Variants in GALNT13 observed in about 807,000 individuals in gnomAD.
GALNT13 encodes the protein polypeptide N-acetylgalactosaminyltransferase 13, also known as UDP-GalNAc:polypeptide N-acetylgalactosaminyltransferase 13.
GALNT13 carries 28 observed loss-of-function variants against 64.2 expected under a neutral mutation model. The observed-to-expected ratio is 0.44, with a 90% CI of 0.32 to 0.60. The LOEUF (loss-of-function observed/expected upper bound fraction) is 0.60, where lower values mean the gene tolerates loss of function less well. GALNT13 is among the 20% of genes least tolerant of loss of function. The probability of loss-of-function intolerance (pLI) is 0.05; values close to 1 mark genes in which losing one functional copy is unlikely to be tolerated. For synonymous variants in GALNT13, 214 were observed against 224.6 expected, an observed-to-expected ratio of 0.95 and a Z score of 0.42; for missense variants, 577 against 669.8, an observed-to-expected ratio of 0.86 and a Z score of 1.53.
chr2:154,443,385 AT>A (rs547467027), intron 12 of GALNT13, among the ~76,000 whole-genome samples: 296 of 152,176 alleles, frequency 1.9e-3, no homozygotes, highest in Non-Finnish European at 3.1e-3. Context: ...TGTTATATTA[AT>A]TTTTAATTGT....
intron 3 of GALNT13, among the ~76,000 whole-genome samples, chr2:154,042,002 A>G (rs1328908791): frequency 2.1e-5 from 3 of 140,670 alleles, no homozygotes; most frequent in East Asian, 4.0e-4. Flanking sequence ...GGTGTTTAGT[A>G]TATTTATTGA....
rs71396392 is a variant in GALNT13 at position 154,142,549 on chromosome 2, CAAAAAAAAAA to C, written c.311+2059_311+2068del. 1.7e-4 allele frequency among the ~76,000 whole-genome samples: 11 copies of C among 66,494 alleles called. No individual in the cohort carries two copies. The Admixed American group carries it at 1.8e-3, about 11-fold the overall frequency. 43.6% of individuals were successfully genotyped at this position (66,494 alleles called of 152,430 possible). A position where few individuals can be genotyped will look rare whatever the true frequency, so the allele number is the denominator to read the frequency against. Reference sequence around the variant, plus strand: ...GGGCAACAAGAGCGAAACTCTGTCTCAAAAAAAAAAAAAAAAAAAAAAAAGAAAGGAAAAG... The same window carrying C: ...GGGCAACAAGAGCGAAACTCTGTCTCAAAAAAAAAAAAAAGAAAGGAAAAG... On this transcript the variant is annotated intron_variant, in intron 4 of 12. Transcript: ENST00000392825.
At chr2:154,025,438 C>T (rs1314641702) in intron 3 of GALNT13, among the ~76,000 whole-genome samples, 1 of 152,172 alleles carries the variant, frequency 6.6e-6, no homozygotes, top group Admixed American at 6.5e-5. Flanking sequence ...AGTACATACA[C>T]ACACACACAG....
intron 11 of GALNT13, among the ~76,000 whole-genome samples, chr2:154,417,377 T>C (rs944928530): frequency 6.6e-6 from 1 of 151,068 alleles, no homozygotes; most frequent in Non-Finnish European, 1.5e-5. Flanking sequence ...TCTGCTCTAC[T>C]CCATCAACTT....
chr2:154,055,992 TC>T (rs1044041041), intron 3 of GALNT13, among the ~76,000 whole-genome samples: 3 of 152,140 alleles, frequency 2.0e-5, no homozygotes, highest in Non-Finnish European at 4.4e-5. Context: ...AGAAGTTTTA[TC>T]TTTGTAGTTA....
the GALNT13 span, among the ~76,000 whole-genome samples, chr2:153,746,090 T>G: frequency 6.6e-6 from 1 of 152,164 alleles, no homozygotes; most frequent in African/African-American, 2.4e-5. Flanking sequence ...AAAGTAAAAT[T>G]TCTTAATACA....
intron 3 of GALNT13, among the ~76,000 whole-genome samples, chr2:154,026,311 C>G (rs1697961120): frequency 6.6e-6 from 1 of 152,110 alleles, no homozygotes; most frequent in Non-Finnish European, 1.5e-5. Context: ...TCAAATTGCT[C>G]TCAGTCTTCT....
intron 3 of GALNT13, among the ~76,000 whole-genome samples, chr2:154,133,044 G>T (rs927124446): frequency 1.3e-5 from 2 of 152,078 alleles, no homozygotes; most frequent in African/African-American, 2.4e-5. Context: ...GTGTGATGTG[G>T]GCATCCACTG....
chr2:154,199,121 G>T (rs1455245380), intron 4 of GALNT13, among the ~76,000 whole-genome samples: 2 of 150,386 alleles, frequency 1.3e-5, no homozygotes, highest in African/African-American at 4.9e-5. Flanking sequence ...AATTTCTTCT[G>T]TTTTTTTTTA....
At chr2:153,562,050 C>CTT in the GALNT13 span, among the ~76,000 whole-genome samples, 1 of 99,540 alleles carries the variant, frequency 1.0e-5, no homozygotes, top group South Asian at 3.6e-4. Context: ...CTTTCTCTCT[C>CTT]TCTCTCTCTC....
the GALNT13 span, among the ~76,000 whole-genome samples, chr2:153,691,098 C>A: frequency 6.6e-6 from 1 of 152,128 alleles, no homozygotes; most frequent in Non-Finnish European, 1.5e-5. Context: ...ATTTACATTT[C>A]ATGTCTTGTA....
In GALNT13 at chr2:154,450,428, T is replaced by C. The variant is rs1559162296; in HGVS notation, c.1548T>C (p.His516=). The C allele has an allele frequency of 1.9e-6, 3 of 1,612,166 alleles. No individual in the cohort carries two copies. The highest frequency in any genetic ancestry group is 2.5e-6 in the Non-Finnish European group (3 of 1,178,936). The part of the protein sequence containing the change: ...EYDAERLTLR[H]VNSNQCLDEP... ...TTTTACAGAGACTCACGTTGCGACA[T>C]GTTAACAGTAACCAATGTCTCGATG... The change falls in exon 13 of 13, where the codon CAT becomes CAC. Residue 516 remains histidine (H), a synonymous_variant. Transcript: ENST00000392825.
chr2:153,921,009 CT>C (rs1689719952), intron 2 of GALNT13, among the ~76,000 whole-genome samples: 1 of 152,154 alleles, frequency 6.6e-6, no homozygotes, highest in Admixed American at 6.5e-5. Flanking sequence ...AAAGGGAACG[CT>C]TATACATTGC....
rs147657251 is a variant in GALNT13, at chr2:154,407,793, G to C, written c.1297-1191G>C. Among the ~76,000 whole-genome samples the C allele has an allele frequency of 4.3e-3, 650 of 152,114 alleles. 5 individuals are homozygous for C. Among genetic ancestry groups the C allele is most frequent in the African/African-American group, 0.014 (589 of 41,498 alleles). ...CTAACATTTACCAAATGGGAATTCTGATCCATACTATTCTCAGTTATTGAT... is the reference window on the plus strand; with the variant it reads ...CTAACATTTACCAAATGGGAATTCTCATCCATACTATTCTCAGTTATTGAT... On this transcript the variant is annotated intron_variant, in intron 10 of 12. Coordinates refer to ENST00000392825, the MANE Select transcript of GALNT13 (RefSeq NM_052917.4).
the GALNT13 span, among the ~76,000 whole-genome samples, chr2:153,695,314 G>T: frequency 9.9e-5 from 15 of 152,158 alleles, 1 homozygote; most frequent in Admixed American, 9.8e-4. Context: ...TCTTATCAGG[G>T]AATGGTGGGA....
the GALNT13 span, among the ~76,000 whole-genome samples, chr2:153,561,820 G>A: frequency 6.6e-6 from 1 of 151,970 alleles, no homozygotes; most frequent in Non-Finnish European, 1.5e-5. Flanking sequence ...TTGAATTGGA[G>A]TAATACAAAT....
the GALNT13 span, among the ~76,000 whole-genome samples, chr2:153,251,814 G>C: frequency 6.6e-6 from 1 of 151,668 alleles, no homozygotes; most frequent in African/African-American, 2.4e-5. Flanking sequence ...CATTTTTTAT[G>C]GCTGCATAGT....
the GALNT13 span, among the ~76,000 whole-genome samples, chr2:153,630,808 T>TTTATTTATTTA: frequency 1.6e-3 from 27 of 16,976 alleles, 4 homozygotes; most frequent in African/African-American, 1.7e-3. Context: ...TATATATATA[T>TTTATTTATTTA]TTTTTTTTTT....
chr2:153,436,394 G>A, the GALNT13 span, among the ~76,000 whole-genome samples: 1 of 152,162 alleles, frequency 6.6e-6, no homozygotes, highest in Admixed American at 6.5e-5. Context: ...AAGAGTTTCA[G>A]GAGGAATGGT....
Sources: allele counts gnomAD v4.1 joint callset (sites outside exome capture counted in the v4.1 genomes callset), GRCh38; gene constraint gnomAD v4.1.1; transcripts MANE v1.5; gene names NCBI Gene and HGNC (gene_info 2026-07-23, HGNC 2026-07-21).